Variants in DNAH12 observed in about 807,000 individuals in gnomAD.
DNAH12 encodes the protein dynein axonemal heavy chain 12.
DNAH12 carries 285 observed loss-of-function variants against 371.5 expected under a neutral mutation model. That is an observed-to-expected ratio of 0.77 (90% confidence interval 0.70 to 0.85). The LOEUF is 0.85. Among genes scored for constraint, DNAH12 ranks in the 40% least tolerant of loss-of-function variants. The pLI, the probability that DNAH12 is intolerant of heterozygous loss-of-function variation, is 0.00. For missense variants in DNAH12, 3,611 were observed against 3,689.4 expected, an observed-to-expected ratio of 0.98 and a Z score of 0.55; for synonymous variants, 1,200 against 1,213.0, an observed-to-expected ratio of 0.99 and a Z score of 0.22.
chr3:57,314,195 G>T (rs979047279), intron 66 of DNAH12, among the ~76,000 whole-genome samples: 1 of 152,070 alleles, frequency 6.6e-6, no homozygotes, highest in Non-Finnish European at 1.5e-5. Context: ...AAAGAACCAG[G>T]GTCCTCGATG....
chr3:57,530,127 G>C (rs963205812), intron 2 of DNAH12, among the ~76,000 whole-genome samples: 1 of 152,046 alleles, frequency 6.6e-6, no homozygotes, highest in Non-Finnish European at 1.5e-5. Context: ...TTCTTTGAAT[G>C]TTTTAAGTTC....
At chr3:57,510,618 C>T (rs534769049) in intron 5 of DNAH12, among the ~76,000 whole-genome samples, 172 bp downstream of exon 5, 207 of 151,318 alleles carry the variant, frequency 1.4e-3, no homozygotes, top group African/African-American at 4.5e-3. Flanking sequence ...CCAGCCTGGG[C>T]GACAGAGATC....
At chr3:57,409,563 C>G (rs1553682387) in intron 39 of DNAH12, among the ~76,000 whole-genome samples, 1 of 151,886 alleles carries the variant, frequency 6.6e-6, no homozygotes, top group Non-Finnish European at 1.5e-5. Flanking sequence ...AAAAAAATCA[C>G]TGAGGAATAG....
intron 37 of DNAH12, among the ~76,000 whole-genome samples, chr3:57,415,926 C>T (rs546825156): frequency 5.4e-4 from 82 of 151,780 alleles, no homozygotes; most frequent in Non-Finnish European, 4.4e-4. Context: ...GTAGCTGGGA[C>T]TACAGGCATG....
intron 15 of DNAH12, 120 bp downstream of exon 15, chr3:57,471,352 A>C: frequency 1.2e-6 from 1 of 854,588 alleles, no homozygotes; most frequent in East Asian, 4.3e-5. Flanking sequence ...TATATAGAAA[A>C]ATATAGAGTA....
At chr3:57,417,228 CAAG>C (rs549173758) in intron 37 of DNAH12, among the ~76,000 whole-genome samples, 1 of 135,478 alleles carries the variant, frequency 7.4e-6, no homozygotes, top group East Asian at 1.9e-4. Flanking sequence ...CCAGCCTAGG[CAAG>C]AAGAGTGAAA....
At chr3:57,505,895 C>T (rs2067740746) in intron 8 of DNAH12, among the ~76,000 whole-genome samples, 1 of 152,114 alleles carries the variant, frequency 6.6e-6, no homozygotes, top group Admixed American at 6.6e-5. Context: ...TAGGCATGAG[C>T]CACCATTCCT....
intron 17 of DNAH12, among the ~76,000 whole-genome samples, chr3:57,466,650 G>A (rs576435537): frequency 2.0e-5 from 3 of 152,200 alleles, no homozygotes; most frequent in Admixed American, 6.5e-5. Flanking sequence ...GGAGAACTGT[G>A]CTATAACTAA....
At chr3:57,359,295 C>T (rs1259782103) in intron 58 of DNAH12, among the ~76,000 whole-genome samples, 2 of 151,758 alleles carry the variant, frequency 1.3e-5, no homozygotes, top group Non-Finnish European at 2.9e-5. Context: ...CACGGTGGCT[C>T]ACGCCTGTAA....
Position 57,452,983 on chromosome 3 carries a change from C to T in DNAH12, c.3646G>A (p.Ala1216Thr). The change falls in exon 25 of 74, where the codon GCT becomes ACT. Residue 1216 changes from alanine (A) to threonine (T), a missense_variant. By Grantham distance (58) the Ala-to-Thr change is moderately conservative. Coordinates refer to ENST00000495027, the MANE Select transcript of DNAH12 (RefSeq NM_001366028.2). ...VSHDTDFLWLAQLRYYWENEN... is the reference protein window; with the variant it reads ...VSHDTDFLWLTQLRYYWENEN... The stretch of plus-strand genomic sequence containing the variant: ...TTTTCCCAATAATATCGGAGCTGAG[C>T]AAGCCACAGGAAATCTGTATCATGT... 1 of 1,538,210 alleles carries T rather than the reference C, an allele frequency of 6.5e-7. No homozygotes were observed.
rs138000283 is a variant in DNAH12 at position 57,337,972 on chromosome 3, G to C, written c.9675-3032C>G. On this transcript the variant is annotated intron_variant, in intron 60 of 73. Coordinates refer to ENST00000495027, the MANE Select transcript of DNAH12 (RefSeq NM_001366028.2). ...TTCTCCCGGATTGGCCATATGTTAGGACACAAAAAAGAAACCTTAAAAAAT... is the reference window on the plus strand; with the variant it reads ...TTCTCCCGGATTGGCCATATGTTAGCACACAAAAAAGAAACCTTAAAAAAT... 9.2e-5 allele frequency among the ~76,000 whole-genome samples: 14 copies of C among 152,202 alleles called. 1 individual carries two copies. The East Asian group carries it at 2.7e-3, about 29-fold the overall frequency.
intron 11 of DNAH12, among the ~76,000 whole-genome samples, chr3:57,490,393 T>C (rs1032695175): frequency 3.9e-5 from 6 of 152,272 alleles, no homozygotes; most frequent in African/African-American, 9.6e-5. Flanking sequence ...ATCCAAGATA[T>C]TGGAATGTAT....
At position 57,413,730 on chromosome 3, in the gene DNAH12, C is replaced by T. The variant is rs909699407; in HGVS notation, c.6020+16G>A. The T allele has an allele frequency of 6.2e-5, 95 of 1,543,198 alleles. No individual in the cohort carries two copies. The highest frequency in any genetic ancestry group is 8.1e-5 in the Non-Finnish European group (93 of 1,144,304). ...GAGGTATAACTTCAGCATAACTTATCGAATTAAATAGTTACCAATGTCCAC... is the reference window on the plus strand; with the variant it reads ...GAGGTATAACTTCAGCATAACTTATTGAATTAAATAGTTACCAATGTCCAC... On this transcript the variant is annotated intron_variant, in intron 39 of 73. Coordinates refer to ENST00000495027, the MANE Select transcript of DNAH12 (RefSeq NM_001366028.2).
chr3:57,453,154 A>G, intron 24 of DNAH12, 93 bp downstream of exon 24: 1 of 1,468,204 alleles, frequency 6.8e-7, no homozygotes, highest in Non-Finnish European at 9.0e-7. Context: ...TGTTAAAAAA[A>G]TTCTGTTGAG....
chr3:57,302,537 A>G lies in DNAH12; in HGVS notation c.11190-598T>C, dbSNP rs1444082154. 7.6e-4 allele frequency among the ~76,000 whole-genome samples: 36 copies of G among 47,448 alleles called. No individual in the cohort carries two copies. In the South Asian group the frequency reaches 8.7e-3, roughly 11 times the overall value. The allele number at this position is 47,448 out of a possible 152,430, so 31.1% of individuals were successfully genotyped here. A position where few individuals can be genotyped will look rare whatever the true frequency, so the allele number is the denominator to read the frequency against. ...TAACTAAGGCATCAGGTGTATATAT[A>G]TATATATATATATATATATATATAT... On this transcript the variant is annotated intron_variant, in intron 69 of 73. Transcript: ENST00000495027.
At chr3:57,348,667 G>C (rs1408063559) in intron 60 of DNAH12, among the ~76,000 whole-genome samples, 1 of 152,170 alleles carries the variant, frequency 6.6e-6, no homozygotes, top group East Asian at 1.9e-4. Context: ...TCAAAAAAAG[G>C]ATGGGCAAGA....
At chr3:57,306,325 G>A (rs1162321730) in intron 69 of DNAH12, among the ~76,000 whole-genome samples, 1 of 152,084 alleles carries the variant, frequency 6.6e-6, no homozygotes, top group Non-Finnish European at 1.5e-5. Context: ...TAACTGTTGT[G>A]GGTATTGACG....
intron 7 of DNAH12, among the ~76,000 whole-genome samples, 181 bp from the exon 8 acceptor site, chr3:57,508,019 T>C (rs558155086): frequency 6.6e-6 from 1 of 151,768 alleles, no homozygotes; most frequent in South Asian, 2.1e-4. Context: ...AAACCCCATC[T>C]CTACTAAAAA....
intron 70 of DNAH12, 179 bp from the exon 71 acceptor site, chr3:57,297,163 T>G: frequency 1.7e-6 from 1 of 602,440 alleles, no homozygotes; most frequent in Admixed American, 3.2e-5. Flanking sequence ...CCCCTTCTAC[T>G]CTTCTTGGAA....
Sources: gnomAD v4.1 joint callset for allele counts (sites outside exome capture counted in the v4.1 genomes callset) on GRCh38, gnomAD v4.1.1 for gene constraint, MANE v1.5 for transcripts, NCBI Gene and HGNC (gene_info 2026-07-23, HGNC 2026-07-21) for gene names.